Variants in LRP6 observed in about 807,000 individuals in gnomAD.
LRP6 encodes the protein low-density lipoprotein receptor-related protein 6.
LRP6 carries 43 observed loss-of-function variants against 184.1 expected under a neutral mutation model. That is an observed-to-expected ratio of 0.23 (90% CI 0.18 to 0.30). The LOEUF is 0.30. Ranked by LOEUF, LRP6 falls within the 10% of genes least tolerant of loss-of-function variation. The pLI is 1.00. For missense variants in LRP6, 1,571 were observed against 2,005.3 expected, an observed-to-expected ratio of 0.78 and a Z score of 4.14; for synonymous variants, 719 against 684.9, an observed-to-expected ratio of 1.05 and a Z score of -0.78.
rs1373979611 is a variant in LRP6 at position 12,120,040 on chromosome 12, T to TATAA, written c.*1082_*1085dup. ...ATATATATATATATATATATATATA[T>TATAA]ATAAATGATTTCGTACTGTGATATA... On this transcript the variant is annotated 3_prime_UTR_variant, in exon 23 of 23. Coordinates refer to ENST00000261349, the MANE Select transcript of LRP6 (RefSeq NM_002336.3). 4 of 113,622 alleles carry TATAA rather than the reference T, an allele frequency of 3.5e-5. No individual in the cohort carries two copies. Among genetic ancestry groups the TATAA allele is most frequent in the East Asian group, 2.7e-4 (1 of 3,666 alleles). 7.0% of individuals were successfully genotyped at this position (113,622 alleles called of 1,614,324 possible).
chr12:12,263,706 C>G (rs1160193424), intron 1 of LRP6, among the ~76,000 whole-genome samples: 2 of 151,510 alleles, frequency 1.3e-5, no homozygotes, highest in Non-Finnish European at 2.9e-5. Flanking sequence ...TTATGGCACA[C>G]AACTGTGGTC....
intron 7 of LRP6, among the ~76,000 whole-genome samples, chr12:12,179,177 C>T (rs1863269071): frequency 6.6e-6 from 1 of 152,106 alleles, no homozygotes; most frequent in African/African-American, 2.4e-5. Flanking sequence ...TGATTATTTT[C>T]ACCATAATCT....
Position 12,223,037 on chromosome 12 carries a change from A to G in LRP6, c.450-19637T>C, listed in dbSNP as rs142771835. Among the ~76,000 whole-genome samples, 352 of 152,228 alleles carry G rather than the reference A, an allele frequency of 2.3e-3. 1 individual carries two copies. Among genetic ancestry groups the G allele is most frequent in the African/African-American group, 8.2e-3 (341 of 41,532 alleles). ...TGACACAGTCCAACACCAAAATAAAATATTTTAAATCATCCTCCCAGACTA... is the reference window on the plus strand; with the variant it reads ...TGACACAGTCCAACACCAAAATAAAGTATTTTAAATCATCCTCCCAGACTA... On this transcript the variant is annotated intron_variant, in intron 2 of 22. Coordinates refer to ENST00000261349, the MANE Select transcript of LRP6 (RefSeq NM_002336.3).
rs1308399750 is a variant in LRP6, at chr12:12,222,820, T to C, written c.450-19420A>G. On this transcript the variant is annotated intron_variant, in intron 2 of 22. Coordinates refer to ENST00000261349, the MANE Select transcript of LRP6 (RefSeq NM_002336.3). ...TACTATCTTTCCTTACATTAGTCTT[T>C]ATAACATCAGAAAATACATAGTAAA... Among the ~76,000 whole-genome samples the C allele has an allele frequency of 2.0e-5, 3 of 152,114 alleles. No individual in the cohort carries two copies. The East Asian group carries it at 5.8e-4, about 29-fold the overall frequency.
At chr12:12,215,998 G>A (rs1236383799) in intron 2 of LRP6, among the ~76,000 whole-genome samples, 1 of 152,040 alleles carries the variant, frequency 6.6e-6, no homozygotes, top group Non-Finnish European at 1.5e-5. Context: ...GGCGACAAGA[G>A]GGAAACTGCC....
intron 10 of LRP6, among the ~76,000 whole-genome samples, chr12:12,160,695 T>C (rs1023969193): frequency 2.0e-5 from 3 of 152,244 alleles, no homozygotes; most frequent in African/African-American, 7.2e-5. Context: ...GTATAGGCTT[T>C]TTATAGATGA....
At chr12:12,188,557 G>T (rs1399886800) in intron 3 of LRP6, among the ~76,000 whole-genome samples, 2 of 152,162 alleles carry the variant, frequency 1.3e-5, no homozygotes, top group East Asian at 3.8e-4. Flanking sequence ...TCATTTTTAC[G>T]TGTAAGCAGG....
chr12:12,231,150 T>C (rs896302683), intron 2 of LRP6, among the ~76,000 whole-genome samples: 10 of 113,734 alleles, frequency 8.8e-5, no homozygotes, highest in Non-Finnish European at 1.5e-4. Flanking sequence ...CACTACACTC[T>C]AGCCTGGATG....
At position 12,179,968 on chromosome 12, in the gene LRP6, T is replaced by A; in HGVS notation, c.1387A>T (p.Thr463Ser). 6.2e-7 allele frequency: 1 copy of A among 1,613,450 alleles called. No homozygotes were observed. Among genetic ancestry groups the A allele is most frequent in the Non-Finnish European group, 8.5e-7 (1 of 1,179,554 alleles). Reference sequence around the variant, plus strand: ...ATTTTCGGAATTTCTCCCCAGTCAGTCCAATACATGTACCTAGAGAAGTAT... The same window carrying A: ...ATTTTCGGAATTTCTCCCCAGTCAGACCAATACATGTACCTAGAGAAGTAT... ...LDPMVGYMYWTDWGEIPKIER... is the reference protein window; with the variant it reads ...LDPMVGYMYWSDWGEIPKIER... Residue 463 changes from threonine (T) to serine (S), a missense_variant, in exon 7 of 23, where the codon ACT (threonine) becomes TCT (serine). Physicochemically the swap from Thr to Ser is moderately conservative, Grantham distance 58. Around this residue, in one of 4 missense-constraint regions of LRP6, gnomAD observed 640 missense variants for 851.9 expected, o/e 0.75. Transcript: ENST00000261349.
chr12:12,194,225 A>G (rs955690321), intron 3 of LRP6, among the ~76,000 whole-genome samples: 19 of 152,180 alleles, frequency 1.2e-4, no homozygotes, highest in Admixed American at 9.8e-4. Flanking sequence ...AAAAAAACCT[A>G]CAGGTAATAT....
intron 16 of LRP6, among the ~76,000 whole-genome samples, chr12:12,136,128 A>G (rs1331795439): frequency 6.6e-6 from 1 of 152,180 alleles, no homozygotes; most frequent in African/African-American, 2.4e-5. Context: ...CGGAGGTTAC[A>G]GTGAGCCAAG....
chr12:12,262,461 G>A (rs183082355), intron 1 of LRP6, among the ~76,000 whole-genome samples: 41 of 151,468 alleles, frequency 2.7e-4, no homozygotes, highest in Non-Finnish European at 5.0e-4. Flanking sequence ...AGGAGGCTGA[G>A]ACAGGAGAAT....
chr12:12,266,278 T>G (rs1299116625), intron 1 of LRP6, among the ~76,000 whole-genome samples: 1 of 152,164 alleles, frequency 6.6e-6, no homozygotes, highest in Non-Finnish European at 1.5e-5. Flanking sequence ...GGGGCTTCGA[T>G]GGATAAGGCC....
At chr12:12,122,221 A>T (rs1338641794) in intron 22 of LRP6, among the ~76,000 whole-genome samples, 1 of 152,254 alleles carries the variant, frequency 6.6e-6, no homozygotes, top group Non-Finnish European at 1.5e-5. Context: ...GGCATTGGAA[A>T]GAGAGAAACA....
At chr12:12,219,336 G>A (rs1483320939) in intron 2 of LRP6, among the ~76,000 whole-genome samples, 1 of 152,122 alleles carries the variant, frequency 6.6e-6, no homozygotes. Context: ...CTCCCAAGTA[G>A]CTGGGACTAT....
At chr12:12,184,937 C>T (rs565354831) in intron 4 of LRP6, among the ~76,000 whole-genome samples, 1 of 152,212 alleles carries the variant, frequency 6.6e-6, no homozygotes, top group South Asian at 2.1e-4. Flanking sequence ...AAGTAACCAA[C>T]ATGAAAGATA....
chr12:12,233,735 C>T (rs982117502), intron 2 of LRP6, among the ~76,000 whole-genome samples: 4 of 151,988 alleles, frequency 2.6e-5, no homozygotes, highest in African/African-American at 2.4e-5. Flanking sequence ...AATTGTTCAT[C>T]GCAAGTTGTG....
chr12:12,132,501 T>C (rs1390934803), intron 17 of LRP6, among the ~76,000 whole-genome samples: 1 of 152,210 alleles, frequency 6.6e-6, no homozygotes, highest in Non-Finnish European at 1.5e-5. Flanking sequence ...AAACTATTTT[T>C]ATAATAACAT....
At chr12:12,192,090 A>C (rs1481235339) in intron 3 of LRP6, among the ~76,000 whole-genome samples, 1 of 152,072 alleles carries the variant, frequency 6.6e-6, no homozygotes, top group East Asian at 1.9e-4. Context: ...TAAAGCAATA[A>C]GTATAACCCT....
Sources: gnomAD v4.1 joint callset for allele counts (sites outside exome capture counted in the v4.1 genomes callset) on GRCh38, gnomAD v4.1.1 for gene constraint, gnomAD v4.1.1 regional missense constraint, MANE v1.5 for transcripts, NCBI Gene and HGNC (gene_info 2026-07-23, HGNC 2026-07-21) for gene names.